NAALADL2: variants seen among roughly 807,000 people sequenced by gnomAD.
NAALADL2 encodes the protein N-acetylated alpha-linked acidic dipeptidase like 2.
In NAALADL2, 76 loss-of-function variants were observed where a neutral mutation model predicts 87.2. The ratio of observed to expected loss-of-function variants is 0.87; its 90% CI spans 0.72 to 1.05. The LOEUF is 1.05. NAALADL2 is among the 50% of genes least tolerant of loss of function. NAALADL2 has a pLI of 0.00. For missense variants in NAALADL2, 1,089 were observed against 945.8 expected (o/e 1.15, Z -1.99); for synonymous variants, 354 against 331.0 (o/e 1.07, Z -0.75).
At chr3:175,246,019 A>C (rs1270733146) in intron 3 of NAALADL2, among the ~76,000 whole-genome samples, 3 of 152,162 alleles carry the variant, frequency 2.0e-5, no homozygotes, top group South Asian at 4.1e-4. Flanking sequence ...TTCATCCTTC[A>C]ATACATTGTG....
intron 11 of NAALADL2, among the ~76,000 whole-genome samples, chr3:175,717,886 C>T (rs1321100524): frequency 5.4e-5 from 8 of 149,298 alleles, no homozygotes; most frequent in South Asian, 4.3e-4. Context: ...CTTGGCCCAC[C>T]GCAACCTTCA....
At chr3:175,458,345 T>C (rs1286862581) in intron 6 of NAALADL2, among the ~76,000 whole-genome samples, 1 of 151,482 alleles carries the variant, frequency 6.6e-6, no homozygotes, top group Non-Finnish European at 1.5e-5. Context: ...CAGATTTATA[T>C]CTGTATTTAC....
intron 9 of NAALADL2, among the ~76,000 whole-genome samples, chr3:175,517,584 A>G (rs1582218707): frequency 6.6e-6 from 1 of 152,200 alleles, no homozygotes; most frequent in Non-Finnish European, 1.5e-5. Flanking sequence ...ATTAATATAG[A>G]AAACCAGTTA....
chr3:174,597,925 T>A (rs1718074118), intron 2 of NAALADL2, among the ~76,000 whole-genome samples: 2 of 152,200 alleles, frequency 1.3e-5, no homozygotes, highest in African/African-American at 4.8e-5. Flanking sequence ...ATTTAAGTTT[T>A]CTTTTCATAG....
At chr3:175,702,256 A>G (rs1326033035) in intron 11 of NAALADL2, among the ~76,000 whole-genome samples, 1 of 152,184 alleles carries the variant, frequency 6.6e-6, no homozygotes, top group Non-Finnish European at 1.5e-5. Context: ...ATGCACTAAG[A>G]AAGCTTTTAT....
chr3:175,520,387 T>C (rs970843386), intron 9 of NAALADL2, among the ~76,000 whole-genome samples: 30 of 143,972 alleles, frequency 2.1e-4, no homozygotes, highest in African/African-American at 6.7e-4. Context: ...CAAGCTCCGC[T>C]TCCCGGGTTC....
intron 5 of NAALADL2, among the ~76,000 whole-genome samples, chr3:175,404,585 T>G (rs888388718): frequency 3.3e-5 from 5 of 152,286 alleles, no homozygotes; most frequent in Non-Finnish European, 5.9e-5. Flanking sequence ...TAACTGTACA[T>G]GTAACACAAT....
intron 6 of NAALADL2, among the ~76,000 whole-genome samples, chr3:175,451,364 G>A (rs934441163): frequency 6.6e-6 from 1 of 152,010 alleles, no homozygotes; most frequent in African/African-American, 2.4e-5. Flanking sequence ...AAAGAATCAT[G>A]AAAAAAGTTC....
chr3:174,993,688 G>A (rs756888908), intron 1 of NAALADL2, among the ~76,000 whole-genome samples: 5 of 151,934 alleles, frequency 3.3e-5, no homozygotes, highest in Non-Finnish European at 5.9e-5. Context: ...AGAAAAATGA[G>A]GAGTTAAAAA....
At chr3:175,149,639 T>C (rs1731253832) in intron 2 of NAALADL2, among the ~76,000 whole-genome samples, 1 of 152,148 alleles carries the variant, frequency 6.6e-6, no homozygotes, top group Non-Finnish European at 1.5e-5. Flanking sequence ...ACACTTTTGG[T>C]TTATAATTAT....
At chr3:174,736,987 A>G (rs542177416) in intron 2 of NAALADL2, among the ~76,000 whole-genome samples, 5 of 152,266 alleles carry the variant, frequency 3.3e-5, no homozygotes, top group South Asian at 2.1e-4. Flanking sequence ...GGTTGCAACA[A>G]TGTTCAACTT....
At chr3:175,226,614 A>C (rs1006138586) in intron 2 of NAALADL2, among the ~76,000 whole-genome samples, 5 of 152,116 alleles carry the variant, frequency 3.3e-5, no homozygotes, top group Admixed American at 2.0e-4. Context: ...GTAAAGTGGC[A>C]ACCATAGTAG....
intron 1 of NAALADL2, among the ~76,000 whole-genome samples, chr3:174,875,389 C>T (rs1050445403): frequency 1.3e-5 from 2 of 151,914 alleles, no homozygotes; most frequent in Non-Finnish European, 2.9e-5. Context: ...CATATATTTG[C>T]ATAGAAATAC....
intron 4 of NAALADL2, among the ~76,000 whole-genome samples, chr3:175,283,816 T>C (rs957060329): frequency 3.9e-5 from 6 of 152,058 alleles, no homozygotes; most frequent in Non-Finnish European, 8.8e-5. Flanking sequence ...TAGTTCTACA[T>C]CATAAAATCT....
chr3:174,690,861 G>A (rs986781229), intron 2 of NAALADL2, among the ~76,000 whole-genome samples: 1 of 152,104 alleles, frequency 6.6e-6, no homozygotes, highest in Non-Finnish European at 1.5e-5. Flanking sequence ...TAAATGGGTA[G>A]CGTGTGTGTA....
intron 2 of NAALADL2, among the ~76,000 whole-genome samples, chr3:174,664,596 G>A (rs1725797712): frequency 6.6e-6 from 1 of 152,148 alleles, no homozygotes; most frequent in African/African-American, 2.4e-5. Flanking sequence ...TACATTATGT[G>A]TTTTTAAATG....
chr3:175,731,900 T>C (rs1243803236), intron 11 of NAALADL2, among the ~76,000 whole-genome samples: 2 of 152,210 alleles, frequency 1.3e-5, no homozygotes, highest in Non-Finnish European at 2.9e-5. Context: ...AAACAAAACA[T>C]GTCTTTTCTG....
intron 1 of NAALADL2, among the ~76,000 whole-genome samples, chr3:174,961,329 T>C (rs1249091910): frequency 2.6e-5 from 4 of 151,664 alleles, no homozygotes; most frequent in Non-Finnish European, 5.9e-5. Context: ...GTAAGATATA[T>C]ATACTTTATC....
At chr3:175,189,363 CA>C (rs1453086655) in intron 2 of NAALADL2, among the ~76,000 whole-genome samples, 15 of 152,118 alleles carry the variant, frequency 9.9e-5, no homozygotes, top group Admixed American at 9.2e-4. Flanking sequence ...CTTTTAGAAC[CA>C]ATAAATAAAT....
Sources: allele counts gnomAD v4.1 joint callset (sites outside exome capture counted in the v4.1 genomes callset), GRCh38; gene constraint gnomAD v4.1.1; transcripts MANE v1.5; gene names NCBI Gene and HGNC (gene_info 2026-07-23, HGNC 2026-07-21).